Variants in PLCL1 observed in about 807,000 individuals in gnomAD.
PLCL1 encodes inactive phospholipase C-like protein 1.
A neutral mutation model predicts 84.4 loss-of-function variants in PLCL1; 41 were observed. That is an observed-to-expected ratio of 0.49 (90% CI 0.38 to 0.63). PLCL1 has a LOEUF of 0.63. Among genes scored for constraint, PLCL1 ranks in the 30% least tolerant of loss-of-function variants. PLCL1 has a pLI of 0.00. For synonymous variants in PLCL1, 490 were observed against 488.3 expected (o/e 1.00, Z -0.05); for missense variants, 1,206 against 1,367.8 (o/e 0.88, Z 1.87).
chr2:198,112,561 A>G (rs3771365), intron 5 of PLCL1, among the ~76,000 whole-genome samples: 44,010 of 151,712 alleles, frequency 0.29, 7,988 homozygotes, highest in East Asian at 0.56. Context: ...TACTGTTCAG[A>G]CCTACAATCT....
intron 4 of PLCL1, among the ~76,000 whole-genome samples, chr2:198,101,746 C>T (rs1352781398): frequency 1.3e-5 from 2 of 152,028 alleles, no homozygotes; most frequent in East Asian, 3.9e-4. Flanking sequence ...ATTAATCTTC[C>T]AGGCTTTTGC....
chr2:198,052,075 A>G (rs1275053200), intron 1 of PLCL1, among the ~76,000 whole-genome samples: 5 of 152,036 alleles, frequency 3.3e-5, no homozygotes, highest in African/African-American at 1.2e-4. Context: ...ATGCCCGGCT[A>G]ATTTTTTTGT....
intron 1 of PLCL1, among the ~76,000 whole-genome samples, chr2:197,893,304 T>C (rs1688067009): frequency 6.6e-6 from 1 of 152,176 alleles, no homozygotes; most frequent in African/African-American, 2.4e-5. Context: ...AGCATAAATA[T>C]CCTTTAGGGA....
At chr2:197,900,040 G>T (rs1296564144) in intron 1 of PLCL1, among the ~76,000 whole-genome samples, 1 of 152,122 alleles carries the variant, frequency 6.6e-6, no homozygotes, top group Non-Finnish European at 1.5e-5. Flanking sequence ...TTTCCTCACA[G>T]CACTTTCTAG....
At chr2:197,883,430 C>G (rs1687865733) in intron 1 of PLCL1, among the ~76,000 whole-genome samples, 1 of 152,064 alleles carries the variant, frequency 6.6e-6, no homozygotes, top group African/African-American at 2.4e-5. Flanking sequence ...TAATAATCAT[C>G]AATAAACTGT....
Position 197,913,404 on chromosome 2 carries a change from A to T in PLCL1, c.240+108065A>T, listed in dbSNP as rs569334495. Among the ~76,000 whole-genome samples the T allele has an allele frequency of 3.9e-5, 6 of 152,362 alleles. No homozygotes were observed. The South Asian group carries it at 1.2e-3, about 32-fold the overall frequency. On this transcript the variant is annotated intron_variant, in intron 1 of 5. Coordinates refer to ENST00000428675, the MANE Select transcript of PLCL1 (RefSeq NM_006226.4). ...AAAATGCAAGTAAAATAATAGCAGCAGCAAAAAGCAACCAGTTTACAGGGG... is the reference window on the plus strand; with the variant it reads ...AAAATGCAAGTAAAATAATAGCAGCTGCAAAAAGCAACCAGTTTACAGGGG...
intron 1 of PLCL1, among the ~76,000 whole-genome samples, chr2:198,032,044 T>C (rs1190082769): frequency 5.9e-5 from 9 of 152,194 alleles, no homozygotes; most frequent in Admixed American, 5.9e-4. Context: ...TGCATGTATA[T>C]CTAGATAAAC....
rs1423497874 is a variant in PLCL1, at chr2:198,103,807, T to C, written c.2996-20T>C. ...TTCTGAGATATATACTCAGATTTCT[T>C]ATGCATTCTTTCTTCAAAGGGATGG... On this transcript the variant is annotated intron_variant, in intron 4 of 5. Transcript: ENST00000428675. 2 of 1,312,176 alleles carry C rather than the reference T, an allele frequency of 1.5e-6. No homozygotes were observed. The highest frequency in any genetic ancestry group is 1.9e-5 in the Admixed American group (1 of 52,502). The allele number at this position is 1,312,176 out of a possible 1,614,324, so 81.3% of individuals were successfully genotyped here.
At chr2:198,069,893 C>CAGA (rs1305311479) in intron 1 of PLCL1, among the ~76,000 whole-genome samples, 5 of 152,000 alleles carry the variant, frequency 3.3e-5, no homozygotes, top group Non-Finnish European at 5.9e-5. Context: ...TAGTTGAGTT[C>CAGA]AGATAAGGAC....
intron 1 of PLCL1, among the ~76,000 whole-genome samples, chr2:198,076,029 G>C (rs1238119871): frequency 1.3e-5 from 2 of 152,226 alleles, no homozygotes; most frequent in Non-Finnish European, 2.9e-5. Context: ...AGAAGAGCTT[G>C]AGATAATCAC....
Position 197,805,286 on chromosome 2 carries a change from G to T in PLCL1, c.187G>T (p.Ala63Ser). The T allele has an allele frequency of 6.2e-6, 8 of 1,289,808 alleles. No individual in the cohort carries two copies. The highest frequency in any genetic ancestry group is 7.8e-6 in the Non-Finnish European group (8 of 1,020,908). 79.9% of individuals were successfully genotyped at this position (1,289,808 alleles called of 1,614,324 possible). A position where few individuals can be genotyped will look rare whatever the true frequency, so the allele number is the denominator to read the frequency against. ...CGCGGGGACCCCAGCGGACAGCGAGGCGGGCCTCCTGGAGGCAGCACGGGC... is the reference window on the plus strand; with the variant it reads ...CGCGGGGACCCCAGCGGACAGCGAGTCGGGCCTCCTGGAGGCAGCACGGGC... ...GAAGTPADSE[A>S]GLLEAARATP... Residue 63 changes from alanine to serine, a missense_variant, in exon 1 of 6, where the codon GCG becomes TCG. Ala to Ser is a moderately conservative substitution (Grantham distance 99). Transcript: ENST00000428675. The surrounding 1 kb of genome is among the most constrained non-coding windows in gnomAD (Gnocchi z 4.0).
In PLCL1 at chr2:198,114,864, A is replaced by G. The variant is rs1037239977; in HGVS notation, c.3105+10928A>G. Among the ~76,000 whole-genome samples, 173 of 151,776 alleles carry G rather than the reference A, an allele frequency of 1.1e-3. 3 individuals are homozygous for G. The highest frequency in any genetic ancestry group is 8.8e-4 in the Non-Finnish European group (60 of 67,860). On this transcript the variant is annotated intron_variant, in intron 5 of 5. Transcript: ENST00000428675. ...ATATATACACACATATATGGTATGC[A>G]CACAGACATTGTCAAATAAAGTCAA...
chr2:198,004,304 T>C (rs1574239489), intron 1 of PLCL1, among the ~76,000 whole-genome samples: 1 of 152,188 alleles, frequency 6.6e-6, no homozygotes, highest in East Asian at 1.9e-4. Context: ...GGAAGTTTAG[T>C]GGATTAGTCA....
At chr2:197,980,467 A>G (rs1690080042) in intron 1 of PLCL1, among the ~76,000 whole-genome samples, 1 of 152,164 alleles carries the variant, frequency 6.6e-6, no homozygotes, top group Non-Finnish European at 1.5e-5. Context: ...TCCCATAAGG[A>G]CACTCACTTA....
At chr2:197,903,802 CTTT>C (rs1232211481) in intron 1 of PLCL1, among the ~76,000 whole-genome samples, 3 of 104,502 alleles carry the variant, frequency 2.9e-5, no homozygotes, top group East Asian at 2.8e-4. Flanking sequence ...AGTGCCCGGC[CTTT>C]TTTTTTTTTT....
intron 1 of PLCL1, among the ~76,000 whole-genome samples, chr2:197,938,360 A>T (rs924625380): frequency 2.0e-5 from 3 of 152,312 alleles, no homozygotes; most frequent in South Asian, 4.1e-4. Context: ...CTTCCATAAG[A>T]GTTTCTTCCA....
At chr2:198,006,453 C>T (rs1365040303) in intron 1 of PLCL1, among the ~76,000 whole-genome samples, 1 of 151,994 alleles carries the variant, frequency 6.6e-6, no homozygotes. Context: ...TATATATGTC[C>T]CAAATGCCCT....
At chr2:197,899,880 C>T (rs1688230278) in intron 1 of PLCL1, among the ~76,000 whole-genome samples, 1 of 152,054 alleles carries the variant, frequency 6.6e-6, no homozygotes, top group African/African-American at 2.4e-5. Flanking sequence ...CGTGATCCGC[C>T]CGCCTCGGCC....
At chr2:197,990,001 T>A (rs1363305230) in intron 1 of PLCL1, among the ~76,000 whole-genome samples, 1 of 152,168 alleles carries the variant, frequency 6.6e-6, no homozygotes, top group Admixed American at 6.5e-5. Flanking sequence ...TTGCTAAAGA[T>A]AGTATTGAGT....
Sources: gnomAD v4.1 joint callset for allele counts (sites outside exome capture counted in the v4.1 genomes callset) on GRCh38, gnomAD v4.1.1 for gene constraint, Gnocchi (gnomAD v3.1) non-coding constraint, MANE v1.5 for transcripts, NCBI Gene and HGNC (gene_info 2026-07-23, HGNC 2026-07-21) for gene names.